ENO4: variants seen among roughly 807,000 people sequenced by gnomAD.
ENO4 encodes the protein 2-phospho-D-glycerate hydro-lyase.
A neutral mutation model predicts 63.2 loss-of-function variants in ENO4; 53 were observed. The ratio of observed to expected loss-of-function variants is 0.84; its 90% CI spans 0.67 to 1.05. The LOEUF (loss-of-function observed/expected upper bound fraction) is 1.05, where lower values mean the gene tolerates loss of function less well. Among genes scored for constraint, ENO4 ranks in the 50% least tolerant of loss-of-function variants. The pLI is 0.00. For missense variants in ENO4, 719 were observed against 772.0 expected, an observed-to-expected ratio of 0.93 and a Z score of 0.81; for synonymous variants, 266 against 283.8, an observed-to-expected ratio of 0.94 and a Z score of 0.63.
chr10:116,887,330 T>C (rs1399219080), downstream of ENO4, among the ~76,000 whole-genome samples: 1 of 152,202 alleles, frequency 6.6e-6, no homozygotes, highest in Non-Finnish European at 1.5e-5. Flanking sequence ...TGGGAACAGA[T>C]ATCTCTGAAA....
chr10:116,860,507 C>CT (rs1459813791), intron 4 of ENO4, among the ~76,000 whole-genome samples: 1 of 152,194 alleles, frequency 6.6e-6, no homozygotes, highest in Non-Finnish European at 1.5e-5. Context: ...TTTAACCCCT[C>CT]TAAGCCCCAG....
At chr10:116,889,821 C>T (rs2133300696) in intron 10 of ENO4, among the ~76,000 whole-genome samples, 1 of 152,340 alleles carries the variant, frequency 6.6e-6, no homozygotes, top group East Asian at 1.9e-4. Flanking sequence ...TAAAGTCTAT[C>T]CCTTCAAGCT....
rs1045346159 is a variant in ENO4 at position 116,901,976 on chromosome 10, C to T, written c.1195-9523C>T. ...GTTGGACCTTAAAACCAAACACATACCTCAAGTTTAATAATTCTGTATGAT... is the reference window on the plus strand; with the variant it reads ...GTTGGACCTTAAAACCAAACACATATCTCAAGTTTAATAATTCTGTATGAT... On this transcript the variant is annotated intron_variant, in intron 10 of 10. Coordinates refer to the ENO4 transcript ENST00000369207. 1.9e-6 allele frequency: 3 copies of T among 1,561,876 alleles called. No homozygotes were observed. The African/African-American group carries it at 4.2e-5, about 22-fold the overall frequency.
chr10:116,885,038 C>G (rs545523136), downstream of ENO4: 4 of 152,676 alleles, frequency 2.6e-5, no homozygotes, highest in East Asian at 5.8e-4. Flanking sequence ...AACGAACTTA[C>G]AGAAAGATAA....
At chr10:116,862,670 T>C in intron 6 of ENO4, 129 bp from the exon 7 acceptor site, 1 of 640,256 alleles carries the variant, frequency 1.6e-6, no homozygotes, top group Non-Finnish European at 2.8e-6. Context: ...ACTGATTTTG[T>C]AGAGCATATC....
chr10:116,881,584 C>A lies in ENO4; in HGVS notation c.1793C>A (p.Ala598Asp). Residue 598 changes from alanine (A) to aspartate (D), a missense_variant, in exon 14 of 14, where the codon GCT becomes GAT. Physicochemically the swap from Ala to Asp is moderately radical, Grantham distance 126. Coordinates refer to ENST00000341276, the MANE Select transcript of ENO4 (RefSeq NM_001242699.2). ...EAEKAAEALE[A>D]AAAREPLVPT... Reference sequence around the variant, plus strand: ...GAAAAGGCTGCGGAGGCACTTGAGGCTGCTGCGGCTAGGGAGCCGCTGGTG... The same window carrying A: ...GAAAAGGCTGCGGAGGCACTTGAGGATGCTGCGGCTAGGGAGCCGCTGGTG... 1 of 1,550,382 alleles carries A rather than the reference C, an allele frequency of 6.5e-7. No individual in the cohort carries two copies. Among genetic ancestry groups the A allele is most frequent in the East Asian group, 2.4e-5 (1 of 40,904 alleles).
intron 10 of ENO4, among the ~76,000 whole-genome samples, chr10:116,895,225 G>A (rs1418264786): frequency 1.3e-5 from 2 of 152,060 alleles, no homozygotes; most frequent in Admixed American, 6.5e-5. Flanking sequence ...AAATTTTCAA[G>A]GTATTTGACT....
At chr10:116,868,286 T>A (rs1261599488) in intron 7 of ENO4, among the ~76,000 whole-genome samples, 1 of 152,226 alleles carries the variant, frequency 6.6e-6, no homozygotes, top group Non-Finnish European at 1.5e-5. Flanking sequence ...GGACTTTGTA[T>A]CCTCCTGCAG....
At chr10:116,907,810 G>A (rs1374070336) in intron 10 of ENO4, 1 of 489,962 alleles carries the variant, frequency 2.0e-6, no homozygotes, top group Admixed American at 2.1e-5. Flanking sequence ...TCATGCCAGA[G>A]TCAAAAGACA....
At chr10:116,905,573 A>G (rs184306353) in intron 10 of ENO4, among the ~76,000 whole-genome samples, 1 of 152,182 alleles carries the variant, frequency 6.6e-6, no homozygotes, top group Non-Finnish European at 1.5e-5. Flanking sequence ...CAAGGAATCA[A>G]TTTACTCAAT....
At chr10:116,851,395 CAA>C (rs1343280505) in intron 1 of ENO4, among the ~76,000 whole-genome samples, 12 of 152,188 alleles carry the variant, frequency 7.9e-5, no homozygotes, top group Non-Finnish European at 1.6e-4. Context: ...ATTGCAGAGG[CAA>C]AAAAGCAAAC....
chr10:116,893,748 A>G (rs1396812781), intron 10 of ENO4, among the ~76,000 whole-genome samples: 3 of 152,178 alleles, frequency 2.0e-5, no homozygotes, highest in African/African-American at 7.2e-5. Flanking sequence ...TCTCTTAAGG[A>G]ATGGTTATAT....
chr10:116,868,759 C>T (rs2133266622), intron 8 of ENO4, 53 bp downstream of exon 8: 12 of 1,475,536 alleles, frequency 8.1e-6, no homozygotes, highest in Non-Finnish European at 1.1e-5. Context: ...CTATAAATTT[C>T]CTGCCCCTTT....
intron 7 of ENO4, among the ~76,000 whole-genome samples, chr10:116,863,417 C>A (rs1589754812): frequency 6.6e-6 from 1 of 151,754 alleles, no homozygotes; most frequent in South Asian, 2.1e-4. Flanking sequence ...GAATACCTCT[C>A]ACCCAGTTTC....
rs187259203 is a variant in ENO4, at chr10:116,894,411, C to G, written c.1194+14425C>G. Among the ~76,000 whole-genome samples, 25 of 152,294 alleles carry G rather than the reference C, an allele frequency of 1.6e-4. No homozygotes were observed. In the East Asian group the frequency reaches 4.8e-3, roughly 29 times the overall value. Reference sequence around the variant, plus strand: ...CTTTTGACTCCCCCAAACGAAAAAGCAAACTGCCTGTCTGGCAGTTAAAAA... The same window carrying G: ...CTTTTGACTCCCCCAAACGAAAAAGGAAACTGCCTGTCTGGCAGTTAAAAA... On this transcript the variant is annotated intron_variant, in intron 10 of 10. Coordinates refer to the ENO4 transcript ENST00000369207.
At chr10:116,861,300 T>C in intron 6 of ENO4, 110 bp downstream of exon 6, 1 of 325,638 alleles carries the variant, frequency 3.1e-6, no homozygotes, top group Non-Finnish European at 4.9e-6. Flanking sequence ...AAGGATAAAA[T>C]GAGAAAAAAA....
At chr10:116,892,248 T>C (rs1473921944) in intron 10 of ENO4, among the ~76,000 whole-genome samples, 1 of 152,194 alleles carries the variant, frequency 6.6e-6, no homozygotes, top group Non-Finnish European at 1.5e-5. Flanking sequence ...TAGTGCAGGC[T>C]GGACTGCACA....
At chr10:116,870,175 GCA>G (rs200462309) in intron 8 of ENO4, among the ~76,000 whole-genome samples, 1 of 151,912 alleles carries the variant, frequency 6.6e-6, no homozygotes, top group African/African-American at 2.4e-5. Flanking sequence ...TGAGTTTGGT[GCA>G]CACACACACA....
At chr10:116,868,492 A>G in intron 7 of ENO4, 158 bp from the exon 8 acceptor site, 1 of 720,178 alleles carries the variant, frequency 1.4e-6, no homozygotes, top group Non-Finnish European at 2.6e-6. Flanking sequence ...AGTGGCTGGA[A>G]TCATCCCTAT....
Sources: gnomAD v4.1 joint callset for allele counts (sites outside exome capture counted in the v4.1 genomes callset) on GRCh38, gnomAD v4.1.1 for gene constraint, MANE v1.5 for transcripts, NCBI Gene and HGNC (gene_info 2026-07-23, HGNC 2026-07-21) for gene names.